The following TENM3 variants were observed in gnomAD, a reference collection of about 807,000 sequenced individuals.
TENM3 encodes the protein teneurin-3.
A neutral mutation model predicts 255.1 loss-of-function variants in TENM3; 63 were observed. The observed-to-expected ratio is 0.25, with a 90% CI of 0.20 to 0.30. TENM3 has a LOEUF of 0.30. Among genes scored for constraint, TENM3 ranks in the 10% least tolerant of loss-of-function variants. The pLI, the probability that TENM3 is intolerant of heterozygous loss-of-function variation, is 1.00. For synonymous variants in TENM3, 1,306 were observed against 1,322.3 expected (o/e 0.99, Z 0.27); for missense variants, 2,929 against 3,461.1 (o/e 0.85, Z 3.86).
At chr4:182,030,283 T>C in the TENM3 span, among the ~76,000 whole-genome samples, 1 of 151,870 alleles carries the variant, frequency 6.6e-6, no homozygotes, top group African/African-American at 2.4e-5. Flanking sequence ...CCTCCCTGTG[T>C]TCATGTGTTC....
chr4:181,543,347 A>AGAGGAG, the TENM3 span, among the ~76,000 whole-genome samples: 1 of 152,030 alleles, frequency 6.6e-6, no homozygotes, highest in African/African-American at 2.4e-5. Flanking sequence ...GGGGAGGGGA[A>AGAGGAG]GAGGAGGAGG....
chr4:182,329,646 A>G (rs1330214534), intron 2 of TENM3, among the ~76,000 whole-genome samples: 3 of 152,236 alleles, frequency 2.0e-5, no homozygotes, highest in African/African-American at 7.2e-5. Flanking sequence ...AAAATAAAAC[A>G]TTGTAACTAA....
chr4:182,455,482 G>T lies in TENM3; in HGVS notation c.511+108553G>T, dbSNP rs72701909. The stretch of plus-strand genomic sequence containing the variant: ...CTCCCACCTTCGCACCAGTATTTTC[G>T]CTGGTCGGTGCTGCCTGTGCCCCTT... On this transcript the variant is annotated intron_variant, in intron 3 of 27. Transcript: ENST00000511685. Among the ~76,000 whole-genome samples the T allele has an allele frequency of 1.5e-3, 225 of 150,162 alleles. 3 individuals are homozygous for T. The highest frequency in any genetic ancestry group is 2.0e-3 in the Non-Finnish European group (137 of 67,744).
chr4:182,316,137 G>A (rs1762736816), intron 1 of TENM3, among the ~76,000 whole-genome samples: 1 of 152,022 alleles, frequency 6.6e-6, no homozygotes, highest in East Asian at 1.9e-4. Context: ...AACCATGGTG[G>A]ATTTTATCTT....
At chr4:181,559,296 T>G in the TENM3 span, among the ~76,000 whole-genome samples, 1 of 152,152 alleles carries the variant, frequency 6.6e-6, no homozygotes, top group Non-Finnish European at 1.5e-5. Context: ...TAAAAATAAA[T>G]AGCCCAATAA....
intron 3 of TENM3, among the ~76,000 whole-genome samples, chr4:182,505,156 C>T (rs1359952609): frequency 6.6e-6 from 1 of 152,034 alleles, no homozygotes; most frequent in Non-Finnish European, 1.5e-5. Context: ...GCTTACAAGC[C>T]ACATTACAAT....
At chr4:181,526,743 A>C in the TENM3 span, among the ~76,000 whole-genome samples, 2 of 152,064 alleles carry the variant, frequency 1.3e-5, no homozygotes, top group Non-Finnish European at 2.9e-5. Flanking sequence ...AGGAATTGAG[A>C]CTATTAGAGA....
chr4:181,674,117 T>C, the TENM3 span, among the ~76,000 whole-genome samples: 1 of 152,084 alleles, frequency 6.6e-6, no homozygotes, highest in Non-Finnish European at 1.5e-5. Context: ...CACCTCAGCC[T>C]CCCAAGTAGC....
At chr4:181,739,222 TA>T in the TENM3 span, among the ~76,000 whole-genome samples, 1 of 152,162 alleles carries the variant, frequency 6.6e-6, no homozygotes, top group Non-Finnish European at 1.5e-5. Flanking sequence ...AGGGGTCCAA[TA>T]ATGATGTTGG....
chr4:182,337,243 T>G (rs980082260), intron 2 of TENM3, among the ~76,000 whole-genome samples: 8 of 152,198 alleles, frequency 5.3e-5, no homozygotes, highest in Admixed American at 5.2e-4. Context: ...TATCAGACAT[T>G]ACCTTTAAGA....
intron 3 of TENM3, among the ~76,000 whole-genome samples, chr4:182,494,569 G>A (rs909441761): frequency 1.3e-5 from 2 of 152,092 alleles, no homozygotes; most frequent in Admixed American, 6.6e-5. Flanking sequence ...AATAAGGGGC[G>A]ACTAATGTAA....
At chr4:181,989,981 G>A in the TENM3 span, among the ~76,000 whole-genome samples, 1 of 152,040 alleles carries the variant, frequency 6.6e-6, no homozygotes, top group East Asian at 1.9e-4. Flanking sequence ...TAGCATTATT[G>A]TACATATATA....
At chr4:181,620,541 G>A in the TENM3 span, among the ~76,000 whole-genome samples, 1 of 151,924 alleles carries the variant, frequency 6.6e-6, no homozygotes, top group Non-Finnish European at 1.5e-5. Context: ...TTGTTCAAGG[G>A]TCAACTGTAG....
the TENM3 span, among the ~76,000 whole-genome samples, chr4:182,075,621 C>T: frequency 7.9e-5 from 12 of 152,284 alleles, no homozygotes; most frequent in Non-Finnish European, 1.5e-4. Context: ...TGTGGTTCCC[C>T]GGATTTTCTC....
chr4:182,545,290 A>G (rs1291485020), intron 3 of TENM3, among the ~76,000 whole-genome samples: 3 of 152,108 alleles, frequency 2.0e-5, no homozygotes, highest in African/African-American at 7.2e-5. Flanking sequence ...TCATTAATAG[A>G]TGTATATTTT....
the TENM3 span, among the ~76,000 whole-genome samples, chr4:181,849,986 C>CACACACACAG: frequency 6.8e-6 from 1 of 148,104 alleles, no homozygotes; most frequent in Non-Finnish European, 1.5e-5. Flanking sequence ...CACACACACA[C>CACACACACAG]AGAGTCTTCC....
At chr4:182,100,626 C>CATATAT in the TENM3 span, among the ~76,000 whole-genome samples, 2 of 49,834 alleles carry the variant, frequency 4.0e-5, no homozygotes, top group Non-Finnish European at 9.1e-5. Context: ...TATATACACA[C>CATATAT]ACATATATAC....
the TENM3 span, among the ~76,000 whole-genome samples, chr4:181,595,879 T>C: frequency 0.09 from 13,631 of 152,216 alleles, 743 homozygotes; most frequent in Middle Eastern, 0.14. Context: ...CAGGTCTCGG[T>C]TCAGATAACA....
chr4:181,625,869 T>G, the TENM3 span, among the ~76,000 whole-genome samples: 3 of 151,910 alleles, frequency 2.0e-5, no homozygotes, highest in Admixed American at 6.6e-5. Context: ...TCTTGAAAAT[T>G]CAGTCAAAGT....
Sources: allele counts gnomAD v4.1 joint callset (sites outside exome capture counted in the v4.1 genomes callset), GRCh38; gene constraint gnomAD v4.1.1; transcripts MANE v1.5; gene names NCBI Gene and HGNC (gene_info 2026-07-23, HGNC 2026-07-21).